Variants in SART3 observed in about 807,000 individuals in gnomAD.
SART3 encodes the protein HIV-1 Tat-interacting protein of 110kDa.
SART3 carries 44 observed loss-of-function variants against 122.3 expected under a neutral mutation model. That is an observed-to-expected ratio of 0.36 (90% CI 0.28 to 0.46). SART3 has a LOEUF of 0.46. SART3 is among the 20% of genes least tolerant of loss of function. The pLI is 1.00. For synonymous variants in SART3, 442 were observed against 454.0 expected, an observed-to-expected ratio of 0.97 and a Z score of 0.34; for missense variants, 1,101 against 1,229.0, an observed-to-expected ratio of 0.90 and a Z score of 1.56.
chr12:108,543,030 G>A lies in SART3; in HGVS notation c.904C>T (p.Leu302=). 6.2e-7 allele frequency: 1 copy of A among 1,614,236 alleles called. No individual in the cohort carries two copies. Among genetic ancestry groups the A allele is most frequent in the Non-Finnish European group, 8.5e-7 (1 of 1,180,044 alleles). ...CTATAAAAGAAGCCAACACTTACCA[G>A]TGCTTCTTCATAGGGTTTATATTTC... ...LEKYKPYEEA[L]LQAEAPRLAE... is the part of the protein sequence containing the mutation. Residue 302 remains leucine, a splice_region_variant and synonymous_variant, in exon 6 of 19, where the codon CTG becomes TTG. Transcript: ENST00000546815.
At chr12:108,534,917 G>A (rs1354879462) in intron 12 of SART3, among the ~76,000 whole-genome samples, 2 of 152,110 alleles carry the variant, frequency 1.3e-5, no homozygotes, top group African/African-American at 2.4e-5. Context: ...AGTTTTAAAG[G>A]CTTGTAACAC....
chr12:108,528,535 T>C (rs1367980211), intron 15 of SART3, among the ~76,000 whole-genome samples: 1 of 148,974 alleles, frequency 6.7e-6, no homozygotes, highest in Non-Finnish European at 1.5e-5. Flanking sequence ...TGTGCAGGGT[T>C]GGGGCTGCAG....
At chr12:108,539,946 A>G (rs1274069970) in intron 6 of SART3, among the ~76,000 whole-genome samples, 1 of 152,228 alleles carries the variant, frequency 6.6e-6, no homozygotes, top group African/African-American at 2.4e-5. Context: ...ACTAAGGACT[A>G]AGGACAAAAT....
rs1317679987 is a variant in SART3 at position 108,544,346 on chromosome 12, G to A, written c.781+81C>T. 6.6e-6 allele frequency: 8 copies of A among 1,214,392 alleles called. No homozygotes were observed. In the East Asian group the frequency reaches 1.9e-4, roughly 28 times the overall value. The allele number at this position is 1,214,392 out of a possible 1,614,324, so 75.2% of individuals were successfully genotyped here. ...CTTTACCTGCCTCACAGGATGGTGG[G>A]AAAGGTCTAACTACATGTTGTTCCC... On this transcript the variant is annotated intron_variant, in intron 5 of 18. Coordinates refer to ENST00000546815, the MANE Select transcript of SART3 (RefSeq NM_014706.4).
intron 1 of SART3, among the ~76,000 whole-genome samples, chr12:108,558,158 C>T (rs1315889674): frequency 2.0e-5 from 3 of 151,572 alleles, no homozygotes; most frequent in Non-Finnish European, 4.4e-5. Flanking sequence ...GAGTGAGATG[C>T]TCTCAAAAAA....
Position 108,535,685 on chromosome 12 carries a change from G to A in SART3, c.1447-217C>T, listed in dbSNP as rs572791940. ...ACAAGCTAATCTACCTATGTTTCCT[G>A]AGAACCGAGAGAGGGAGCGCACGGT... On this transcript the variant is annotated intron_variant, in intron 11 of 18. Transcript: ENST00000546815. The A allele has an allele frequency of 8.8e-6, 5 of 569,744 alleles. No homozygotes were observed. The South Asian group carries it at 8.9e-5, about 10-fold the overall frequency. The allele number at this position is 569,744 out of a possible 1,614,324, so 35.3% of individuals were successfully genotyped here.
intron 11 of SART3, 72 bp from the exon 12 acceptor site, chr12:108,535,540 C>G: frequency 8.4e-7 from 1 of 1,195,364 alleles, no homozygotes; most frequent in Middle Eastern, 1.9e-4. Flanking sequence ...AACACACTTC[C>G]AACAGACACA....
intron 6 of SART3, among the ~76,000 whole-genome samples, chr12:108,541,018 TTTAAATAAGCACAAC>T (rs1873134126): frequency 6.6e-6 from 1 of 152,336 alleles, no homozygotes; most frequent in African/African-American, 2.4e-5. Flanking sequence ...GGGAATATTT[TTTAAATAAGCACAAC>T]AAAAGCACAA....
At chr12:108,549,297 T>C (rs1592772569) in intron 1 of SART3, 83 bp from the exon 2 acceptor site, 2 of 1,407,882 alleles carry the variant, frequency 1.4e-6, no homozygotes, top group Non-Finnish European at 2.0e-6. Flanking sequence ...ACTACACATA[T>C]ACCTGCCACA....
At chr12:108,546,122 G>A (rs1873405337) in intron 3 of SART3, among the ~76,000 whole-genome samples, 1 of 152,078 alleles carries the variant, frequency 6.6e-6, no homozygotes. Flanking sequence ...CAGTCTATCT[G>A]GTTAGTAGCA....
intron 6 of SART3, among the ~76,000 whole-genome samples, chr12:108,540,053 G>T (rs1190829167): frequency 1.3e-5 from 2 of 150,562 alleles, no homozygotes; most frequent in Non-Finnish European, 2.9e-5. Context: ...GGCAAAGAAA[G>T]ATAGAAAAAA....
intron 3 of SART3, 45 bp downstream of exon 3, chr12:108,547,838 GATAT>G (rs776642870): frequency 2.2e-6 from 3 of 1,337,288 alleles, no homozygotes; most frequent in South Asian, 1.2e-5. Context: ...ACAGCAGACT[GATAT>G]ATATGACATT....
intron 11 of SART3, 75 bp from the exon 12 acceptor site, chr12:108,535,543 C>T (rs1872867314): frequency 8.4e-7 from 1 of 1,188,808 alleles, no homozygotes. Flanking sequence ...ACACTTCCAA[C>T]AGACACACAT....
Position 108,552,130 on chromosome 12 carries a change from ACAAAATCCAACAACGATT to A in SART3, c.313-2934_313-2917del, listed in dbSNP as rs1043739494. On this transcript the variant is annotated intron_variant, in intron 1 of 18. Coordinates refer to ENST00000546815, the MANE Select transcript of SART3 (RefSeq NM_014706.4). ...TCAATAGATGCAGAAAATGCATGTG[ACAAAATCCAACAACGATT>A]CATGGTTAAAACACTCAGCATGTTA... 7.4e-4 allele frequency among the ~76,000 whole-genome samples: 113 copies of A among 152,178 alleles called. 3 individuals are homozygous for A. The highest frequency in any genetic ancestry group is 1.5e-4 in the Non-Finnish European group (10 of 67,984).
At position 108,527,369 on chromosome 12, in the gene SART3, T is replaced by C. The variant is rs77927787; in HGVS notation, c.1916-816A>G. On this transcript the variant is annotated intron_variant, in intron 15 of 18. Coordinates refer to ENST00000546815, the MANE Select transcript of SART3 (RefSeq NM_014706.4). ...GGCTGTACTAACATTGGCTCCTCCC[T>C]GTGTAGCTCAGACCTTCCCTTCTCG... 1.4e-3 allele frequency among the ~76,000 whole-genome samples: 211 copies of C among 152,340 alleles called. 2 individuals carry two copies. The highest frequency in any genetic ancestry group is 4.7e-3 in the African/African-American group (197 of 41,572).
In SART3 at chr12:108,543,042, A is replaced by T. The variant is rs749065512; in HGVS notation, c.892T>A (p.Tyr298Asn). Residue 298 changes from tyrosine (Y) to asparagine (N), a missense_variant, in exon 6 of 19, where the codon TAT (tyrosine) becomes AAT (asparagine). By Grantham distance (143) the Tyr-to-Asn change is moderately radical (BLOSUM62 -2). Around this residue, in one of 2 missense-constraint regions of SART3, gnomAD observed 885 missense variants for 1,080.1 expected, o/e 0.82. Coordinates refer to ENST00000546815, the MANE Select transcript of SART3 (RefSeq NM_014706.4). ...ALQQLEKYKP[Y>N]EEALLQAEAP... ...CCAACACTTACCAGTGCTTCTTCATAGGGTTTATATTTCTCCAGCTGCTGT... is the reference window on the plus strand; with the variant it reads ...CCAACACTTACCAGTGCTTCTTCATTGGGTTTATATTTCTCCAGCTGCTGT... 1 of 1,614,276 alleles carries T rather than the reference A, an allele frequency of 6.2e-7. No homozygotes were observed. Among genetic ancestry groups the T allele is most frequent in the Non-Finnish European group, 8.5e-7 (1 of 1,180,042 alleles).
chr12:108,541,997 G>A lies in SART3; in HGVS notation c.906+1031C>T, dbSNP rs567549160. On this transcript the variant is annotated intron_variant, in intron 6 of 18. Coordinates refer to ENST00000546815, the MANE Select transcript of SART3 (RefSeq NM_014706.4). ...CTACAGACACATGCCACCAAGCCCG[G>A]CTTTTTTTTTTTTTTTTTTTTTTTT... Among the ~76,000 whole-genome samples, 63 of 117,324 alleles carry A rather than the reference G, an allele frequency of 5.4e-4. 1 individual carries two copies. The highest frequency in any genetic ancestry group is 9.7e-4 in the Admixed American group (9 of 9,264). The allele number at this position is 117,324 out of a possible 152,430, so 77.0% of individuals were successfully genotyped here.
Position 108,530,279 on chromosome 12 carries a change from T to A in SART3, c.1778A>T (p.Gln593Leu). Residue 593 changes from glutamine (Q) to leucine (L), a missense_variant, in exon 15 of 19, where the codon CAA becomes CTA. Gln to Leu is a moderately radical substitution (Grantham distance 113). Coordinates refer to ENST00000546815, the MANE Select transcript of SART3 (RefSeq NM_014706.4). Reference sequence around the variant, plus strand: ...CCGTTGTTCAGCCTTTTCTTCTTCTTGCTGCACAAGGGCTGCTTCCTTCTC... The same window carrying A: ...CCGTTGTTCAGCCTTTTCTTCTTCTAGCTGCACAAGGGCTGCTTCCTTCTC... ...AAEKEAALVQQEEEKAEQRKR... is the reference protein window; with the variant it reads ...AAEKEAALVQLEEEKAEQRKR... 1 of 1,614,190 alleles carries A rather than the reference T, an allele frequency of 6.2e-7. No homozygotes were observed. Among genetic ancestry groups the A allele is most frequent in the Non-Finnish European group, 8.5e-7 (1 of 1,180,042 alleles).
intron 11 of SART3, among the ~76,000 whole-genome samples, chr12:108,536,230 A>C (rs1401333502): frequency 6.6e-6 from 1 of 152,268 alleles, no homozygotes; most frequent in Non-Finnish European, 1.5e-5. Context: ...AATGAAGCAA[A>C]GAGGCAGAGA....
Sources: gnomAD v4.1 joint callset for allele counts (sites outside exome capture counted in the v4.1 genomes callset) on GRCh38, gnomAD v4.1.1 for gene constraint, gnomAD v4.1.1 regional missense constraint, MANE v1.5 for transcripts, NCBI Gene and HGNC (gene_info 2026-07-23, HGNC 2026-07-21) for gene names.